AGAP1: variants seen among roughly 807,000 people sequenced by gnomAD.
The protein encoded by AGAP1 is ArfGAP with GTPase domain, ankyrin repeat and PH domain 1.
Under a neutral mutation model 105.3 loss-of-function variants are expected in AGAP1, and 29 were observed. The ratio of observed to expected loss-of-function variants is 0.28; its 90% CI spans 0.21 to 0.38. The LOEUF (loss-of-function observed/expected upper bound fraction) is 0.38, where lower values mean the gene tolerates loss of function less well. Among genes scored for constraint, AGAP1 ranks in the 10% least tolerant of loss-of-function variants. The pLI is 1.00. For synonymous variants in AGAP1, 509 were observed against 485.9 expected, an observed-to-expected ratio of 1.05 and a Z score of -0.63; for missense variants, 998 against 1,165.1, an observed-to-expected ratio of 0.86 and a Z score of 2.09.
At chr2:235,681,882 A>C (rs1316131125) in intron 1 of AGAP1, among the ~76,000 whole-genome samples, 1 of 117,780 alleles carries the variant, frequency 8.5e-6, no homozygotes, top group Non-Finnish European at 1.6e-5. Context: ...ACAGAGTCTC[A>C]CTCCGTCACG....
Position 235,770,133 on chromosome 2 carries a change from C to CT in AGAP1, c.673+19657dup, listed in dbSNP as rs57008190. Among the ~76,000 whole-genome samples the CT allele has an allele frequency of 1.6e-3, 220 of 136,656 alleles. 3 individuals carry two copies. Among genetic ancestry groups the CT allele is most frequent in the East Asian group, 7.0e-3 (32 of 4,578 alleles). The allele number at this position is 136,656 out of a possible 152,430, so 89.7% of individuals were successfully genotyped here. The stretch of plus-strand genomic sequence containing the variant: ...CACACATTTTTTTCTTTCTTTGTTT[C>CT]TTTTTTTTTTTTGAGACGGAGTCTC... On this transcript the variant is annotated intron_variant, in intron 6 of 17. Transcript: ENST00000304032.
Position 235,958,993 on chromosome 2 carries a change from G to A in AGAP1, c.1484-9469G>A, listed in dbSNP as rs956803620. Among the ~76,000 whole-genome samples the A allele has an allele frequency of 2.0e-5, 3 of 152,192 alleles. No homozygotes were observed. The highest frequency in any genetic ancestry group is 4.8e-5 in the African/African-American group (2 of 41,456). On this transcript the variant is annotated intron_variant, in intron 12 of 17. Coordinates refer to ENST00000304032, the MANE Select transcript of AGAP1 (RefSeq NM_001037131.3). The surrounding 1 kb of genome is among the most constrained non-coding windows in gnomAD (Gnocchi z 4.1). ...GATGCCCGATTGGGAAGAACTAATGGCTGACATTGAATGTGCGGGATGGTG... is the reference window on the plus strand; with the variant it reads ...GATGCCCGATTGGGAAGAACTAATGACTGACATTGAATGTGCGGGATGGTG...
At chr2:235,913,704 A>T (rs2051735763) in intron 11 of AGAP1, among the ~76,000 whole-genome samples, 1 of 152,216 alleles carries the variant, frequency 6.6e-6, no homozygotes, top group Non-Finnish European at 1.5e-5. Flanking sequence ...CCTCAAATGA[A>T]CTAAAGAGTA....
chr2:235,781,506 A>G (rs995467272), intron 6 of AGAP1, among the ~76,000 whole-genome samples: 4 of 152,204 alleles, frequency 2.6e-5, no homozygotes, highest in African/African-American at 9.6e-5. Flanking sequence ...TGAATTATGG[A>G]TGTTATGACA....
chr2:236,101,510 G>A lies in AGAP1; in HGVS notation c.2115-18682G>A, dbSNP rs921939414. On this transcript the variant is annotated intron_variant, in intron 16 of 17. Coordinates refer to ENST00000304032, the MANE Select transcript of AGAP1 (RefSeq NM_001037131.3). The surrounding 1 kb of genome is among the most constrained non-coding windows in gnomAD (Gnocchi z 4.9). ...GAACTGGGCCCTCTGCAGTCACTCC[G>A]GCCTGTCCCCGCCTCTTCCGTGTGA... 2.0e-5 allele frequency among the ~76,000 whole-genome samples: 3 copies of A among 152,120 alleles called. No individual in the cohort carries two copies. The highest frequency in any genetic ancestry group is 2.9e-5 in the Non-Finnish European group (2 of 68,030).
intron 1 of AGAP1, among the ~76,000 whole-genome samples, chr2:235,602,592 T>G (rs1315712406): frequency 6.6e-6 from 1 of 152,238 alleles, no homozygotes; most frequent in East Asian, 1.9e-4. Flanking sequence ...CCTTCAAGCC[T>G]TTGCTCAGTG....
intron 9 of AGAP1, among the ~76,000 whole-genome samples, chr2:235,850,512 C>T (rs1177157727): frequency 2.6e-5 from 4 of 152,190 alleles, no homozygotes; most frequent in South Asian, 2.1e-4. Flanking sequence ...TGTCCATGCA[C>T]CTTGGTGGAG....
In AGAP1 at chr2:236,009,853, A is replaced by G. The variant is rs1177600110; in HGVS notation, c.1646-26708A>G. ...CAGCCTCGGCGCTGCATCATTTTTT[A>G]ATCAGCTATCTGAGGAATATTTATC... On this transcript the variant is annotated intron_variant, in intron 13 of 17. Transcript: ENST00000304032. This position sits in a 1 kb window ranked among gnomAD's most constrained non-coding sequence, Gnocchi z 4.2. Among the ~76,000 whole-genome samples the G allele has an allele frequency of 6.6e-6, 1 of 152,182 alleles. No homozygotes were observed. Among genetic ancestry groups the G allele is most frequent in the Non-Finnish European group, 1.5e-5 (1 of 68,030 alleles).
In AGAP1 at chr2:235,931,162, C is replaced by T. The variant is rs1254231948; in HGVS notation, c.1483+239C>T. On this transcript the variant is annotated intron_variant, in intron 12 of 17. Coordinates refer to ENST00000304032, the MANE Select transcript of AGAP1 (RefSeq NM_001037131.3). The surrounding 1 kb of genome is among the most constrained non-coding windows in gnomAD (Gnocchi z 5.6). ...TTGGCACAGGGAGGAGGTAGTCATC[C>T]CATTTGGTCAGTTTGGAAACTGAGG... is the stretch of plus-strand genomic sequence containing the variant. Among the ~76,000 whole-genome samples, 2 of 152,166 alleles carry T rather than the reference C, an allele frequency of 1.3e-5. No individual in the cohort carries two copies. Among genetic ancestry groups the T allele is most frequent in the African/African-American group, 4.8e-5 (2 of 41,450 alleles).
intron 1 of AGAP1, among the ~76,000 whole-genome samples, chr2:235,540,405 G>A (rs1164816167): frequency 1.3e-5 from 2 of 152,020 alleles, no homozygotes; most frequent in African/African-American, 2.4e-5. Context: ...CAACTGCCTC[G>A]GCCTCCCAAA....
intron 1 of AGAP1, among the ~76,000 whole-genome samples, chr2:235,531,797 G>A (rs1943054390): frequency 1.3e-5 from 2 of 151,842 alleles, no homozygotes; most frequent in Admixed American, 6.6e-5. Context: ...TTTTAGTAGA[G>A]ACGGGGGTTT....
intron 6 of AGAP1, among the ~76,000 whole-genome samples, chr2:235,782,563 T>C (rs563325046): frequency 6.6e-6 from 1 of 151,322 alleles, no homozygotes; most frequent in East Asian, 2.0e-4. Context: ...CAGATCTGAG[T>C]TCTTTTTGTC....
rs57787049 is a variant in AGAP1, at chr2:235,793,716, G to A, written c.674-4043G>A. On this transcript the variant is annotated intron_variant, in intron 6 of 17. Coordinates refer to ENST00000304032, the MANE Select transcript of AGAP1 (RefSeq NM_001037131.3). The surrounding 1 kb of genome is among the most constrained non-coding windows in gnomAD (Gnocchi z 5.3). ...GTTATAGAGGGCGTGAGGTTGGCCC[G>A]GAGGCTCCTAGTGTGACCAAGGGCT... is the stretch of plus-strand genomic sequence containing the variant. 0.041 allele frequency among the ~76,000 whole-genome samples: 6,211 copies of A among 152,192 alleles called. 419 individuals are homozygous for A. The highest frequency in any genetic ancestry group is 0.14 in the African/African-American group (5,771 of 41,492).
intron 3 of AGAP1, among the ~76,000 whole-genome samples, chr2:235,727,380 A>G (rs13424533): frequency 0.017 from 2,609 of 152,104 alleles, 66 homozygotes; most frequent in African/African-American, 0.059. Context: ...TCTCTTTCCT[A>G]ATTCACAGAT....
In AGAP1 at chr2:235,840,542, A is replaced by G. The variant is rs373570599; in HGVS notation, c.1050+33211A>G. Among the ~76,000 whole-genome samples, 29 of 152,198 alleles carry G rather than the reference A, an allele frequency of 1.9e-4. 1 individual carries two copies. The South Asian group carries it at 5.6e-3, about 29-fold the overall frequency. On this transcript the variant is annotated intron_variant, in intron 9 of 17. Coordinates refer to ENST00000304032, the MANE Select transcript of AGAP1 (RefSeq NM_001037131.3). ...TGTTGTCCTAGCGGTACCATGTTGT[A>G]CTTCAGAAGGGCCATGCTGGCTGCA...
intron 12 of AGAP1, among the ~76,000 whole-genome samples, chr2:235,950,551 T>C (rs13418964): frequency 0.63 from 95,425 of 151,840 alleles, 31,424 homozygotes; most frequent in African/African-American, 0.84. Context: ...GGATAGTCAC[T>C]GACGATTTTA....
intron 1 of AGAP1, among the ~76,000 whole-genome samples, chr2:235,616,359 CAA>C (rs796596364): frequency 1.1e-4 from 12 of 111,532 alleles, no homozygotes; most frequent in Admixed American, 1.9e-4. Context: ...GACTCCATCT[CAA>C]AAAAAAAAAA....
chr2:236,104,421 A>T lies in AGAP1; in HGVS notation c.2115-15771A>T, dbSNP rs111992425. Reference sequence around the variant, plus strand: ...TGCAGCCTCATCAAATGACTCCCCAACAGGGGTGGATCCTGCCCCTCGACC... The same window carrying T: ...TGCAGCCTCATCAAATGACTCCCCATCAGGGGTGGATCCTGCCCCTCGACC... On this transcript the variant is annotated intron_variant, in intron 16 of 17. Transcript: ENST00000304032. The surrounding 1 kb of genome is among the most constrained non-coding windows in gnomAD (Gnocchi z 4.7). Among the ~76,000 whole-genome samples, 3,323 of 152,352 alleles carry T rather than the reference A, an allele frequency of 0.022. 114 individuals carry two copies. The highest frequency in any genetic ancestry group is 0.074 in the African/African-American group (3,087 of 41,588).
At chr2:235,938,699 G>C (rs1311350873) in intron 12 of AGAP1, among the ~76,000 whole-genome samples, 1 of 152,106 alleles carries the variant, frequency 6.6e-6, no homozygotes, top group East Asian at 1.9e-4. Flanking sequence ...ATGTCTCACT[G>C]GGCTCCGAGG....
Sources: gnomAD v4.1 joint callset for allele counts (sites outside exome capture counted in the v4.1 genomes callset) on GRCh38, gnomAD v4.1.1 for gene constraint, Gnocchi (gnomAD v3.1) non-coding constraint, MANE v1.5 for transcripts, NCBI Gene and HGNC (gene_info 2026-07-23, HGNC 2026-07-21) for gene names.